The following FBN3 variants were observed in gnomAD, a reference collection of about 807,000 sequenced individuals.
FBN3 encodes fibrillin-3.
A neutral mutation model predicts 330.1 loss-of-function variants in FBN3; 234 were observed. That is an observed-to-expected ratio of 0.71 (90% CI 0.64 to 0.79). FBN3 has a LOEUF of 0.79. Ranked by LOEUF, FBN3 falls within the 30% of genes least tolerant of loss-of-function variation. The pLI is 0.00. For missense variants in FBN3, 3,606 were observed against 3,886.9 expected, an observed-to-expected ratio of 0.93 and a Z score of 1.92; for synonymous variants, 1,458 against 1,517.3, an observed-to-expected ratio of 0.96 and a Z score of 0.91.
chr19:8,071,535 G>A (rs1186372745), intron 63 of FBN3, among the ~76,000 whole-genome samples: 1 of 152,194 alleles, frequency 6.6e-6, no homozygotes, highest in Non-Finnish European at 1.5e-5. Flanking sequence ...TTGGCCTAAG[G>A]GTTTGTGAGA....
rs769311729 is a variant in FBN3 at position 8,088,063 on chromosome 19, C to T, written c.6493G>A (p.Glu2165Lys). The T allele has an allele frequency of 3.7e-6, 6 of 1,613,984 alleles. No individual in the cohort carries two copies. The highest frequency in any genetic ancestry group is 2.2e-5 in the East Asian group (1 of 44,884). The part of the protein sequence containing the change: ...GFEPGLMMTC[E>K]DIDECSLNPL... ...TCCTGGGCAAGCAGAGTTGTACCCT[C>T]GCAGGTCATCATGAGGCCAGGCTCA... Residue 2165 changes from glutamate (E) to lysine (K), a missense_variant, in exon 52 of 64, where the codon GAG (glutamate) becomes AAG (lysine). Coordinates refer to ENST00000600128, the MANE Select transcript of FBN3 (RefSeq NM_032447.5).
chr19:8,073,312 G>A lies in FBN3; in HGVS notation c.7703-15C>T, dbSNP rs776456843. The A allele has an allele frequency of 1.5e-5, 24 of 1,603,688 alleles. No homozygotes were observed. The highest frequency in any genetic ancestry group is 1.2e-4 in the South Asian group (11 of 90,458). ...CTCATTCTCATCTGTGGGAGGAAAG[G>A]AGGAGGAGAGGGAGGACGCAGAGGT... On this transcript the variant is annotated splice_polypyrimidine_tract_variant and intron_variant, in intron 61 of 63. Coordinates refer to ENST00000600128, the MANE Select transcript of FBN3 (RefSeq NM_032447.5).
In FBN3 at chr19:8,138,225, GA is replaced by G; in HGVS notation, c.1116del (p.Pro374LeufsTer32). On this transcript the variant is annotated frameshift_variant, in exon 10 of 64. Coordinates refer to ENST00000600128, the MANE Select transcript of FBN3 (RefSeq NM_032447.5). LOFTEE classifies it high-confidence loss of function. The stretch of plus-strand genomic sequence containing the variant: ...TTGAGTCGCGCTGGCCCAAGAGGGG[GA>G]CCCATGCCATTGGATCCGAAGCCCA... ...GLLGFGSNGM[G>X]PPLGPARLNP... The G allele has an allele frequency of 6.2e-7, 1 of 1,611,958 alleles. No homozygotes were observed.
intron 29 of FBN3, among the ~76,000 whole-genome samples, chr19:8,116,123 C>T (rs2082699284): frequency 6.6e-6 from 1 of 152,144 alleles, no homozygotes; most frequent in African/African-American, 2.4e-5. Context: ...AAGCTTCACT[C>T]GGTTTCTTGG....
Position 8,109,140 on chromosome 19 carries a change from A to C in FBN3, c.4618+87T>G, listed in dbSNP as rs117675296. 3 of 1,339,656 alleles carry C rather than the reference A, an allele frequency of 2.2e-6. No homozygotes were observed. The highest frequency in any genetic ancestry group is 1.5e-5 in the African/African-American group (1 of 68,382). 83.0% of individuals were successfully genotyped at this position (1,339,656 alleles called of 1,614,324 possible). On this transcript the variant is annotated intron_variant, in intron 36 of 63. Transcript: ENST00000600128. The surrounding 1 kb of genome is among the most constrained non-coding windows in gnomAD (Gnocchi z 5.2). ...GGTTTTCCTGTCGCCTAAGCCCCCC[A>C]CCACCGCCATTAGCAGAGGTGACCC...
In FBN3 at chr19:8,103,676, A is replaced by G; in HGVS notation, c.4825T>C (p.Cys1609Arg). 6.2e-7 allele frequency: 1 copy of G among 1,613,042 alleles called. No homozygotes were observed. The highest frequency in any genetic ancestry group is 8.5e-7 in the Non-Finnish European group (1 of 1,179,314). ...HTRICEDIDECSTHSGICGPG... is the reference protein window; with the variant it reads ...HTRICEDIDERSTHSGICGPG... ...CCACAGATGCCGGAGTGTGTGGAGCATTCGTCAATATCTGCAGGGAAAGAA... is the reference window on the plus strand; with the variant it reads ...CCACAGATGCCGGAGTGTGTGGAGCGTTCGTCAATATCTGCAGGGAAAGAA... Residue 1609 changes from cysteine (C) to arginine (R), a missense_variant, in exon 39 of 64, where the codon TGC becomes CGC. Cys to Arg is a radical substitution (Grantham distance 180, BLOSUM62 -3). Transcript: ENST00000600128.
chr19:8,108,120 AAGTC>A (rs2082488716), intron 37 of FBN3, 46 bp downstream of exon 37: 1 of 1,544,332 alleles, frequency 6.5e-7, no homozygotes, highest in East Asian at 2.3e-5. Flanking sequence ...GATGAGAGAA[AAGTC>A]AGTCTCTAGG....
At chr19:8,127,048 G>GGT (rs1555748533) in intron 18 of FBN3, among the ~76,000 whole-genome samples, 4 of 113,916 alleles carry the variant, frequency 3.5e-5, no homozygotes, top group East Asian at 2.9e-4. Context: ...ATGCCAAACT[G>GGT]TTTTTTTTTT....
In FBN3 at chr19:8,111,733, G is replaced by A; in HGVS notation, c.3999C>T (p.Ser1333=). 1 of 1,612,680 alleles carries A rather than the reference G, an allele frequency of 6.2e-7. No individual in the cohort carries two copies. Among genetic ancestry groups the A allele is most frequent in the Non-Finnish European group, 8.5e-7 (1 of 1,178,970 alleles). ...GGACATTGAGACAGTCACCTCTTGG[G>A]CTGCACCGGTGCTCCTGGGAGACGC... is the stretch of plus-strand genomic sequence containing the variant. ...DECVSQEHRC[S]PRGDCLNVPG... Residue 1333 remains serine (S), a synonymous_variant, in exon 32 of 64, where the codon AGC becomes AGT. Coordinates refer to ENST00000600128, the MANE Select transcript of FBN3 (RefSeq NM_032447.5).
intron 1 of FBN3, 140 bp from the exon 2 acceptor site, chr19:8,147,637 A>G: frequency 1.7e-6 from 1 of 604,800 alleles, no homozygotes; most frequent in Non-Finnish European, 2.6e-6. Context: ...ATCCAGCCCC[A>G]ACCGGGAAGC....
Position 8,121,167 on chromosome 19 carries a change from T to A in FBN3, c.3211+91A>T. 7.8e-7 allele frequency: 1 copy of A among 1,278,680 alleles called. No individual in the cohort carries two copies. The highest frequency in any genetic ancestry group is 1.5e-5 in the South Asian group (1 of 68,890). 79.2% of individuals were successfully genotyped at this position (1,278,680 alleles called of 1,614,324 possible). ...CCTCCTCCTGCCCCCTCCATCCACG[T>A]CCACACAGCAACAGCCGTCCCCACC... is the stretch of plus-strand genomic sequence containing the variant. On this transcript the variant is annotated intron_variant, in intron 25 of 63. Coordinates refer to ENST00000600128, the MANE Select transcript of FBN3 (RefSeq NM_032447.5). This position sits in a 1 kb window ranked among gnomAD's most constrained non-coding sequence, Gnocchi z 4.5.
chr19:8,079,474 AC>A (rs2081723201), intron 59 of FBN3, among the ~76,000 whole-genome samples: 1 of 150,904 alleles, frequency 6.6e-6, no homozygotes, highest in African/African-American at 2.4e-5. Context: ...CCACCACCAA[AC>A]CTCTCCCTAC....
Position 8,126,026 on chromosome 19 carries a change from G to T in FBN3, c.2606-9C>A, listed in dbSNP as rs201629407. 6 of 1,613,934 alleles carry T rather than the reference G, an allele frequency of 3.7e-6. No individual in the cohort carries two copies. In the East Asian group the frequency reaches 1.3e-4, roughly 36 times the overall value. On this transcript the variant is annotated splice_polypyrimidine_tract_variant and intron_variant, in intron 21 of 63. Transcript: ENST00000600128. Reference sequence around the variant, plus strand: ...CTCACACTCGTTCACATCTGGGTAAGGAGGAGGGAAAGCCGGAGGGTCCAG... The same window carrying T: ...CTCACACTCGTTCACATCTGGGTAATGAGGAGGGAAAGCCGGAGGGTCCAG...
chr19:8,135,936 G>GGGGGGGGGGGGGGGGGGGGGGCC, intron 13 of FBN3, 25 bp downstream of exon 13: 9 of 668,772 alleles, frequency 1.3e-5, no homozygotes, highest in African/African-American at 4.0e-5. Context: ...GGAAGCCCCT[G>GGGGGGGGGGGGGGGGGGGGGGCC]CCCACCCGCC....
chr19:8,076,987 C>A (rs1460056995), intron 59 of FBN3, among the ~76,000 whole-genome samples: 2 of 152,192 alleles, frequency 1.3e-5, no homozygotes, highest in East Asian at 3.9e-4. Context: ...TGGTCGCAAA[C>A]TCCTGGGCAC....
At chr19:8,130,352 A>AT (rs1158673129) in intron 16 of FBN3, among the ~76,000 whole-genome samples, 1 of 149,066 alleles carries the variant, frequency 6.7e-6, no homozygotes, top group South Asian at 2.1e-4. Flanking sequence ...AAAAAAAAAA[A>AT]ATACAAAAAT....
intron 41 of FBN3, 62 bp downstream of exon 41, chr19:8,100,839 G>A (rs375509430): frequency 1.3e-5 from 17 of 1,327,502 alleles, no homozygotes; most frequent in Non-Finnish European, 1.8e-5. Context: ...GAGGGGAGGG[G>A]TGGGAGGAAG....
intron 57 of FBN3, among the ~76,000 whole-genome samples, chr19:8,081,995 G>C (rs946831863): frequency 1.4e-5 from 2 of 145,164 alleles, no homozygotes; most frequent in Non-Finnish European, 3.0e-5. Flanking sequence ...ACGGAGTCTC[G>C]TTTCATCACC....
Position 8,100,924 on chromosome 19 carries a change from T to A in FBN3, c.5138A>T (p.Asp1713Val). ...CGNQAPGFLT[D>V]IHTGKPLDID... ...ACCAAGGGGCTTCCCCGTGTGGATG[T>A]CAGTGAGGAATCCCGGGGCCTGATT... Residue 1713 changes from aspartate to valine, a missense_variant, in exon 41 of 64, where the codon GAC becomes GTC. Asp to Val is a radical substitution (Grantham distance 152, BLOSUM62 -3). Coordinates refer to ENST00000600128, the MANE Select transcript of FBN3 (RefSeq NM_032447.5). 3.7e-6 allele frequency: 6 copies of A among 1,613,816 alleles called. No homozygotes were observed. Among genetic ancestry groups the A allele is most frequent in the Non-Finnish European group, 5.1e-6 (6 of 1,179,894 alleles).
Sources: allele counts gnomAD v4.1 joint callset (sites outside exome capture counted in the v4.1 genomes callset), GRCh38; gene constraint gnomAD v4.1.1; non-coding constraint Gnocchi (gnomAD v3.1); transcripts MANE v1.5; gene names NCBI Gene and HGNC (gene_info 2026-07-23, HGNC 2026-07-21).